The following ZNF804B variants were observed in gnomAD, a reference collection of about 807,000 sequenced individuals.
The protein encoded by ZNF804B is zinc finger protein 804B.
A neutral mutation model predicts 101.4 loss-of-function variants in ZNF804B; 80 were observed. That is an observed-to-expected ratio of 0.79 (90% confidence interval 0.66 to 0.95). ZNF804B has a LOEUF of 0.95. Ranked by LOEUF, ZNF804B falls within the 40% of genes least tolerant of loss-of-function variation. The pLI is 0.00. For synonymous variants in ZNF804B, 622 were observed against 558.8 expected, an observed-to-expected ratio of 1.11 and a Z score of -1.59; for missense variants, 1,673 against 1,561.9, an observed-to-expected ratio of 1.07 and a Z score of -1.20.
At chr7:88,849,926 G>A (rs1791429097) in intron 1 of ZNF804B, among the ~76,000 whole-genome samples, 1 of 151,800 alleles carries the variant, frequency 6.6e-6, no homozygotes, top group East Asian at 1.9e-4. Flanking sequence ...AAAAAAATTT[G>A]ACCTCCTTCT....
At chr7:89,288,896 C>T (rs750255707) in intron 2 of ZNF804B, among the ~76,000 whole-genome samples, 59 of 152,070 alleles carry the variant, frequency 3.9e-4, no homozygotes, top group Non-Finnish European at 3.1e-4. Context: ...ATTTTTGTAT[C>T]TCTAAAGTAT....
chr7:88,911,473 T>C (rs1379715003), intron 1 of ZNF804B, among the ~76,000 whole-genome samples: 1 of 148,604 alleles, frequency 6.7e-6, no homozygotes, highest in Non-Finnish European at 1.5e-5. Context: ...TATATTATTC[T>C]TATGTATTTA....
chr7:88,910,322 G>T (rs1792529505), intron 1 of ZNF804B, among the ~76,000 whole-genome samples: 1 of 151,836 alleles, frequency 6.6e-6, no homozygotes, highest in Non-Finnish European at 1.5e-5. Flanking sequence ...ATTTCCGAGA[G>T]CCTGAAGCAA....
intron 2 of ZNF804B, among the ~76,000 whole-genome samples, chr7:89,300,746 C>A (rs987650020): frequency 5.9e-5 from 9 of 151,812 alleles, no homozygotes; most frequent in African/African-American, 2.2e-4. Flanking sequence ...TTCCAAAGAC[C>A]TTGGATTTTA....
intron 1 of ZNF804B, among the ~76,000 whole-genome samples, chr7:89,071,768 G>GCA (rs1202415292): frequency 1.5e-5 from 2 of 137,824 alleles, no homozygotes; most frequent in Admixed American, 1.4e-4. Context: ...AGATATTTAT[G>GCA]CACACACAAA....
At chr7:89,285,140 G>A (rs1444689453) in intron 2 of ZNF804B, among the ~76,000 whole-genome samples, 1 of 151,494 alleles carries the variant, frequency 6.6e-6, no homozygotes, top group Non-Finnish European at 1.5e-5. Flanking sequence ...GATAGCTTGA[G>A]TCCTGGAGGT....
intron 2 of ZNF804B, among the ~76,000 whole-genome samples, chr7:89,277,147 C>T (rs973686510): frequency 1.3e-5 from 2 of 148,148 alleles, no homozygotes; most frequent in South Asian, 2.1e-4. Context: ...TATATAAACA[C>T]ATAAATATAA....
At chr7:88,795,059 A>G in intron 1 of ZNF804B, 4 of 888,054 alleles carry the variant, frequency 4.5e-6, no homozygotes, top group Non-Finnish European at 6.6e-6. Context: ...GACAAAAAAA[A>G]AAAGAGTAAA....
chr7:89,154,969 A>C (rs942999677), intron 1 of ZNF804B, among the ~76,000 whole-genome samples: 1 of 152,220 alleles, frequency 6.6e-6, no homozygotes, highest in East Asian at 1.9e-4. Context: ...TGATGCGATT[A>C]TTACATATTA....
intron 1 of ZNF804B, among the ~76,000 whole-genome samples, chr7:88,884,001 A>G (rs1160484048): frequency 2.0e-5 from 3 of 152,078 alleles, no homozygotes; most frequent in East Asian, 1.9e-4. Flanking sequence ...TTGGATCTCA[A>G]GAAATCATCT....
At chr7:88,818,558 A>G (rs534172126) in intron 1 of ZNF804B, among the ~76,000 whole-genome samples, 7 of 152,214 alleles carry the variant, frequency 4.6e-5, no homozygotes, top group Non-Finnish European at 8.8e-5. Flanking sequence ...AATATTTTGT[A>G]TCATGGGGAA....
At chr7:88,859,843 T>C (rs967929096) in intron 1 of ZNF804B, among the ~76,000 whole-genome samples, 1 of 151,908 alleles carries the variant, frequency 6.6e-6, no homozygotes, top group African/African-American at 2.4e-5. Context: ...AACTTAAAAA[T>C]GTGCTTTTAG....
chr7:89,022,861 G>T (rs796388048), intron 1 of ZNF804B, among the ~76,000 whole-genome samples: 1 of 152,062 alleles, frequency 6.6e-6, no homozygotes, highest in Non-Finnish European at 1.5e-5. Context: ...ATGGGAACTC[G>T]AATATTTTAA....
chr7:89,140,290 C>T (rs967003182), intron 1 of ZNF804B, among the ~76,000 whole-genome samples: 6 of 151,952 alleles, frequency 3.9e-5, no homozygotes, highest in Admixed American at 2.0e-4. Context: ...TTCTTAGTGG[C>T]TCTAGCATTT....
At chr7:89,210,385 G>T (rs1452826730) in intron 1 of ZNF804B, among the ~76,000 whole-genome samples, 6 of 151,950 alleles carry the variant, frequency 3.9e-5, no homozygotes, top group Non-Finnish European at 8.8e-5. Flanking sequence ...GGATGTGCAG[G>T]TTTGTTACAT....
intron 2 of ZNF804B, among the ~76,000 whole-genome samples, chr7:89,292,701 C>A (rs1368594948): frequency 7.1e-6 from 1 of 139,996 alleles, no homozygotes; most frequent in African/African-American, 2.6e-5. Flanking sequence ...TGAATCCTTA[C>A]TTACCAATAA....
At chr7:88,786,747 T>C (rs536409888) in intron 1 of ZNF804B, among the ~76,000 whole-genome samples, 1 of 152,240 alleles carries the variant, frequency 6.6e-6, no homozygotes, top group East Asian at 1.9e-4. Context: ...ACAAAAATTG[T>C]TTGATTTCCA....
chr7:88,817,420 T>C (rs1278828775), intron 1 of ZNF804B, among the ~76,000 whole-genome samples: 2 of 145,850 alleles, frequency 1.4e-5, no homozygotes, highest in African/African-American at 2.6e-5. Context: ...CTTAAAAGGC[T>C]GCTCTCTCCA....
At chr7:89,240,505 A>G (rs953768789) in intron 2 of ZNF804B, among the ~76,000 whole-genome samples, 10 of 151,968 alleles carry the variant, frequency 6.6e-5, no homozygotes, top group African/African-American at 2.4e-4. Context: ...CATAGTTGTC[A>G]ATGTATCTCA....
Sources: allele counts gnomAD v4.1 joint callset (sites outside exome capture counted in the v4.1 genomes callset), GRCh38; gene constraint gnomAD v4.1.1; transcripts MANE v1.5; gene names NCBI Gene and HGNC (gene_info 2026-07-23, HGNC 2026-07-21).